The following GNL3L variants were observed in gnomAD, a reference collection of about 807,000 sequenced individuals.
The protein encoded by GNL3L is guanine nucleotide-binding protein-like 3-like protein.
Under a neutral mutation model 42.9 loss-of-function variants are expected in GNL3L, and 4 were observed. The observed-to-expected ratio is 0.09, with a 90% confidence interval of 0.05 to 0.21. The LOEUF is 0.21. Ranked by LOEUF, GNL3L falls within the 10% of genes least tolerant of loss-of-function variation. GNL3L has a pLI of 1.00. For missense variants in GNL3L, 412 were observed against 481.7 expected, an observed-to-expected ratio of 0.86 and a Z score of 1.36; for synonymous variants, 159 against 176.3, an observed-to-expected ratio of 0.90 and a Z score of 0.78.
the GNL3L span, among the ~76,000 whole-genome samples, chrX:54,640,769 G>C: frequency 8.9e-6 from 1 of 112,322 alleles, no homozygotes; most frequent in Admixed American, 9.4e-5. Flanking sequence ...AGCCAAGTCC[G>C]AAATCAAACC....
chrX:54,540,090 C>A, intron 3 of GNL3L, 45 bp from the exon 4 acceptor site: 1 of 872,462 alleles, frequency 1.1e-6, no homozygotes. Flanking sequence ...AGGTGATTTC[C>A]ATGGGTTCAT....
chrX:54,630,231 A>AT, the GNL3L span, among the ~76,000 whole-genome samples: 2 of 103,883 alleles, frequency 1.9e-5, no homozygotes, highest in African/African-American at 7.1e-5. Flanking sequence ...TATCTTTTGT[A>AT]TTTTTTTGTT....
rs202012678 is a variant in GNL3L, at chrX:54,548,215, AT to A, written c.631-5del. 5.6e-5 allele frequency: 66 copies of A among 1,179,910 alleles called. No individual in the cohort carries two copies. The highest frequency in any genetic ancestry group is 7.1e-5 in the Non-Finnish European group (62 of 871,836). ...CCTGATGTCTCTTCTGTGATATTCA[AT>A]TTTTTTTTCCAGAATCGTTGCAGTG... On this transcript the variant is annotated splice_polypyrimidine_tract_variant and intron_variant, in intron 8 of 15. Transcript: ENST00000360845.
intron 16 of GNL3L, among the ~76,000 whole-genome samples, chrX:54,574,392 A>G (rs1925605408): frequency 8.9e-6 from 1 of 112,007 alleles, no homozygotes; most frequent in African/African-American, 3.2e-5. Context: ...CGAGATGATT[A>G]TATAGGTTTT....
chrX:54,630,738 T>TTCTTTCTTTCTTTCTTTCTTTCTTTC, the GNL3L span, among the ~76,000 whole-genome samples: 32 of 67,513 alleles, frequency 4.7e-4, 1 homozygote, highest in African/African-American at 1.8e-3. Context: ...CTTTCTTTCT[T>TTCTTTCTTTCTTTCTTTCTTTCTTTC]TCTCTTTCTT....
rs1315862030 is a variant in GNL3L, at chrX:54,563,807, CAAAA to C, written c.*3208_*3211del. On this transcript the variant is annotated 3_prime_UTR_variant, in exon 16 of 16. Coordinates refer to ENST00000360845, the MANE Select transcript of GNL3L (RefSeq NM_001184819.2). ...TCAGGGGGAAAAAAAAAGAGGAAAACAAAAAAGACGTTGGGAGTGCAGTTTCTCT... is the reference window on the plus strand; with the variant it reads ...TCAGGGGGAAAAAAAAAGAGGAAAACAAGACGTTGGGAGTGCAGTTTCTCT... Among the ~76,000 whole-genome samples, 1 of 110,696 alleles carries C rather than the reference CAAAA, an allele frequency of 9.0e-6. No individual in the cohort carries two copies. The highest frequency in any genetic ancestry group is 1.9e-5 in the Non-Finnish European group (1 of 52,926).
rs1404539783 is a variant in GNL3L at position 54,562,443 on chromosome X, T to G, written c.*1841T>G. ...TGGAACCATGTGACAAGGACTGGAG[T>G]GCCATTGGCTGTGGACTGTTCAGGC... On this transcript the variant is annotated 3_prime_UTR_variant, in exon 16 of 16. Transcript: ENST00000360845. 9.0e-6 allele frequency among the ~76,000 whole-genome samples: 1 copy of G among 110,954 alleles called. No homozygotes were observed. The highest frequency in any genetic ancestry group is 1.9e-5 in the Non-Finnish European group (1 of 53,015).
intron 16 of GNL3L, among the ~76,000 whole-genome samples, chrX:54,572,765 C>T (rs1424046818): frequency 9.2e-5 from 10 of 109,270 alleles, no homozygotes; most frequent in African/African-American, 2.0e-4. Flanking sequence ...GGCTGCCGGG[C>T]GGAGAGGCTC....
At chrX:54,552,911 C>T (rs1924988658) in intron 13 of GNL3L, among the ~76,000 whole-genome samples, 1 of 111,939 alleles carries the variant, frequency 8.9e-6, no homozygotes, top group African/African-American at 3.2e-5. Flanking sequence ...AGTTCTCCTG[C>T]CCTGTTGAAG....
At chrX:54,640,753 A>T in the GNL3L span, among the ~76,000 whole-genome samples, 1 of 112,417 alleles carries the variant, frequency 8.9e-6, no homozygotes, top group African/African-American at 3.2e-5. Flanking sequence ...ACCCGTTGAC[A>T]TCAGAAGCCA....
At chrX:54,581,717 G>A (rs775883257) in intron 16 of GNL3L, among the ~76,000 whole-genome samples, 3 of 112,096 alleles carry the variant, frequency 2.7e-5, no homozygotes, top group South Asian at 3.7e-4. Flanking sequence ...TTGGAGATTC[G>A]TCCAGGTTGT....
At chrX:54,620,145 G>A (rs373422772) in intron 16 of GNL3L, among the ~76,000 whole-genome samples, 1 of 110,678 alleles carries the variant, frequency 9.0e-6, no homozygotes, top group Middle Eastern at 4.6e-3. Flanking sequence ...ATACTCTTTC[G>A]GTTATTTTAA....
At chrX:54,620,261 ACTT>A (rs1362900035) in intron 16 of GNL3L, among the ~76,000 whole-genome samples, 1 of 110,474 alleles carries the variant, frequency 9.1e-6, no homozygotes, top group Non-Finnish European at 1.9e-5. Context: ...AACCACCCCA[ACTT>A]CTCTCTCACC....
chrX:54,546,718 C>G (rs1461649123), intron 8 of GNL3L, among the ~76,000 whole-genome samples: 2 of 111,841 alleles, frequency 1.8e-5, no homozygotes, highest in Non-Finnish European at 3.8e-5. Context: ...ACGATCTCGG[C>G]TCACTGCAAC....
At chrX:54,587,766 T>C (rs1925805693) in intron 16 of GNL3L, among the ~76,000 whole-genome samples, 1 of 109,629 alleles carries the variant, frequency 9.1e-6, no homozygotes, top group Non-Finnish European at 1.9e-5. Flanking sequence ...CTGCAACCTC[T>C]GCCTCTCGGG....
At chrX:54,538,704 C>T (rs1024591281) in intron 2 of GNL3L, among the ~76,000 whole-genome samples, 2 of 111,583 alleles carry the variant, frequency 1.8e-5, no homozygotes, top group Admixed American at 9.5e-5. Flanking sequence ...CTGCCAGCTC[C>T]CTCATCTCAG....
chrX:54,601,904 G>T (rs1311312140), intron 16 of GNL3L, among the ~76,000 whole-genome samples: 2 of 112,037 alleles, frequency 1.8e-5, no homozygotes, highest in Non-Finnish European at 3.8e-5. Flanking sequence ...AAGTTGGTTT[G>T]TGTATCAATA....
At chrX:54,536,323 C>T (rs1294726049) in intron 2 of GNL3L, among the ~76,000 whole-genome samples, 5 of 110,191 alleles carry the variant, frequency 4.5e-5, no homozygotes, top group Admixed American at 9.7e-5. Context: ...GTGATCCACC[C>T]GCCTTGGCCT....
At chrX:54,642,943 A>G in the GNL3L span, among the ~76,000 whole-genome samples, 16 of 112,049 alleles carry the variant, frequency 1.4e-4, no homozygotes, top group Non-Finnish European at 2.4e-4. Context: ...TTCTCATCCA[A>G]TGCTTTTCTC....
Sources: allele counts gnomAD v4.1 joint callset (sites outside exome capture counted in the v4.1 genomes callset), GRCh38; gene constraint gnomAD v4.1.1; transcripts MANE v1.5; gene names NCBI Gene and HGNC (gene_info 2026-07-23, HGNC 2026-07-21).